The following TEC variants were observed in gnomAD, a reference collection of about 807,000 sequenced individuals.
The protein encoded by TEC is tec protein tyrosine kinase.
Under a neutral mutation model 93.0 loss-of-function variants are expected in TEC, and 72 were observed. That is an observed-to-expected ratio of 0.77 (90% confidence interval 0.64 to 0.94). The LOEUF is 0.94. Ranked by LOEUF, TEC falls within the 40% of genes least tolerant of loss-of-function variation. The pLI, the probability that TEC is intolerant of heterozygous loss-of-function variation, is 0.00. For synonymous variants in TEC, 249 were observed against 247.7 expected, an observed-to-expected ratio of 1.01 and a Z score of -0.05; for missense variants, 630 against 757.9, an observed-to-expected ratio of 0.83 and a Z score of 1.98.
At chr4:48,143,416 C>A (rs1042898627) in intron 14 of TEC, among the ~76,000 whole-genome samples, 2 of 152,308 alleles carry the variant, frequency 1.3e-5, no homozygotes, top group Admixed American at 1.3e-4. Flanking sequence ...GTTCTTAGTT[C>A]TTAGTTCACA....
intron 2 of TEC, among the ~76,000 whole-genome samples, chr4:48,180,510 TG>T (rs1309389135): frequency 6.6e-6 from 1 of 152,152 alleles, no homozygotes; most frequent in Non-Finnish European, 1.5e-5. Flanking sequence ...GGGGCAGTGA[TG>T]GGGCCACAAG....
chr4:48,250,957 C>T (rs950708920), intron 1 of TEC, among the ~76,000 whole-genome samples: 1 of 152,166 alleles, frequency 6.6e-6, no homozygotes, highest in Non-Finnish European at 1.5e-5. Flanking sequence ...ACTAATAGAG[C>T]CATCATTATC....
chr4:48,227,419 G>A (rs566750594), intron 2 of TEC, among the ~76,000 whole-genome samples: 119 of 152,220 alleles, frequency 7.8e-4, no homozygotes, highest in African/African-American at 2.6e-3. Context: ...CAGGTGGGTG[G>A]ATCACTTGAG....
At chr4:48,171,587 C>G in intron 3 of TEC, 138 bp from the exon 4 acceptor site, 1 of 563,878 alleles carries the variant, frequency 1.8e-6, no homozygotes, top group East Asian at 3.1e-5. Flanking sequence ...ATCCAGAAAA[C>G]CCAGGTTACT....
chr4:48,242,737 G>A (rs895338143), intron 1 of TEC, among the ~76,000 whole-genome samples: 9 of 152,254 alleles, frequency 5.9e-5, no homozygotes, highest in East Asian at 1.9e-4. Flanking sequence ...TATCTCCAAT[G>A]TGTGAAGTGA....
rs1464435733 is a variant in TEC at position 48,145,545 on chromosome 4, A to G, written c.1116T>C (p.Phe372=). The G allele has an allele frequency of 6.2e-7, 1 of 1,614,006 alleles. No individual in the cohort carries two copies. The highest frequency in any genetic ancestry group is 8.5e-7 in the Non-Finnish European group (1 of 1,180,010). ...ACAGTCCACTTCCCAATTCCCTCAT[A>G]AAGGTCAGTTCTGAAGGGTTAATCT... ...KWEINPSELT[F]MRELGSGLFG... The change falls in exon 13 of 18, where the codon TTT becomes TTC. Residue 372 remains phenylalanine (F), a synonymous_variant. Coordinates refer to ENST00000381501, the MANE Select transcript of TEC (RefSeq NM_003215.3).
At chr4:48,210,982 C>T (rs1372051243) in intron 2 of TEC, among the ~76,000 whole-genome samples, 2 of 152,166 alleles carry the variant, frequency 1.3e-5, no homozygotes, top group African/African-American at 2.4e-5. Context: ...AGGACCTATC[C>T]TAGCCACTTT....
intron 1 of TEC, among the ~76,000 whole-genome samples, chr4:48,268,092 CT>C (rs1274991132): frequency 5.9e-5 from 9 of 152,250 alleles, no homozygotes; most frequent in African/African-American, 2.2e-4. Context: ...ATTATCTCAG[CT>C]TTATTTTCCA....
chr4:48,148,546 A>T (rs1321890344), intron 11 of TEC, among the ~76,000 whole-genome samples: 1 of 152,174 alleles, frequency 6.6e-6, no homozygotes, highest in African/African-American at 2.4e-5. Context: ...GTGGGACATG[A>T]TTACTCTAGT....
chr4:48,183,116 T>G (rs1721662681), intron 2 of TEC, among the ~76,000 whole-genome samples: 1 of 152,118 alleles, frequency 6.6e-6, no homozygotes, highest in South Asian at 2.1e-4. Context: ...AGAAGGAGCA[T>G]GAGCTTTGGA....
At chr4:48,185,398 T>G (rs1721779962) in intron 2 of TEC, among the ~76,000 whole-genome samples, 1 of 152,158 alleles carries the variant, frequency 6.6e-6, no homozygotes. Context: ...TGGGAATAAT[T>G]TTTTACATAG....
Position 48,170,360 on chromosome 4 carries a change from ATTG to A in TEC, c.339_341del (p.Asn115del), listed in dbSNP as rs762930667. The A allele has an allele frequency of 4.2e-6, 6 of 1,423,306 alleles. No individual in the cohort carries two copies. The African/African-American group carries it at 8.5e-5, about 20-fold the overall frequency. 88.2% of individuals were successfully genotyped at this position (1,423,306 alleles called of 1,614,324 possible). ...TAGGATGATATTTAATCATAATATTATTGTTGTTCTTTATTTCTGTAATTCACA... is the reference window on the plus strand; with the variant it reads ...TAGGATGATATTTAATCATAATATTATTGTTCTTTATTTCTGTAATTCACA... On this transcript the variant is annotated inframe_deletion, in exon 5 of 18. Transcript: ENST00000381501.
chr4:48,156,374 C>T (rs1224652356), intron 9 of TEC, among the ~76,000 whole-genome samples: 1 of 152,160 alleles, frequency 6.6e-6, no homozygotes, highest in African/African-American at 2.4e-5. Flanking sequence ...TGTCCAGCTG[C>T]ACATGTTTCA....
intron 1 of TEC, among the ~76,000 whole-genome samples, chr4:48,256,171 G>C (rs1724336382): frequency 6.6e-6 from 1 of 152,136 alleles, no homozygotes; most frequent in Admixed American, 6.5e-5. Flanking sequence ...TACACTTTCA[G>C]CCACAGGCAG....
intron 2 of TEC, among the ~76,000 whole-genome samples, chr4:48,196,263 C>T (rs1160343088): frequency 6.6e-6 from 1 of 152,170 alleles, no homozygotes; most frequent in Non-Finnish European, 1.5e-5. Flanking sequence ...GGGCTAAGAA[C>T]CAGCAGGCCT....
In TEC at chr4:48,137,419, T is replaced by C; in HGVS notation, c.1893A>G (p.Arg631=). Residue 631 remains arginine (R), a synonymous_variant, in exon 18 of 18, where the codon AGA becomes AGG. Transcript: ENST00000381501. ...ELVECEETFG[R] ...GGAGCCACTGGTCACACATCACTTA[T>C]CTTCCAAAAGTTTCTTCACATTCAA... 1 of 1,613,918 alleles carries C rather than the reference T, an allele frequency of 6.2e-7. No individual in the cohort carries two copies. Among genetic ancestry groups the C allele is most frequent in the Non-Finnish European group, 8.5e-7 (1 of 1,179,864 alleles).
At chr4:48,148,738 T>C (rs1281086743) in intron 11 of TEC, among the ~76,000 whole-genome samples, 1 of 152,222 alleles carries the variant, frequency 6.6e-6, no homozygotes, top group Admixed American at 6.5e-5. Flanking sequence ...ACTTGTGTCA[T>C]GGGGGTCTGT....
chr4:48,263,392 G>A (rs1028665165), intron 1 of TEC, among the ~76,000 whole-genome samples: 2 of 152,170 alleles, frequency 1.3e-5, no homozygotes, highest in African/African-American at 4.8e-5. Flanking sequence ...ATGGCAGAAA[G>A]AGTCATCCTA....
At chr4:48,259,928 G>A (rs933626088) in intron 1 of TEC, among the ~76,000 whole-genome samples, 5 of 152,038 alleles carry the variant, frequency 3.3e-5, no homozygotes, top group African/African-American at 7.2e-5. Context: ...ATGCCTTCCC[G>A]GGTCACACAA....
Sources: gnomAD v4.1 joint callset for allele counts (sites outside exome capture counted in the v4.1 genomes callset) on GRCh38, gnomAD v4.1.1 for gene constraint, MANE v1.5 for transcripts, NCBI Gene and HGNC (gene_info 2026-07-23, HGNC 2026-07-21) for gene names.